RNF10: variants seen among roughly 807,000 people sequenced by gnomAD.
RNF10 encodes E3 ubiquitin-protein ligase RNF10.
A neutral mutation model predicts 91.4 loss-of-function variants in RNF10; 38 were observed. The ratio of observed to expected loss-of-function variants is 0.42; its 90% CI spans 0.32 to 0.54. The LOEUF is 0.54. Ranked by LOEUF, RNF10 falls within the 20% of genes least tolerant of loss-of-function variation. The pLI is 0.16. For synonymous variants in RNF10, 364 were observed against 366.3 expected (o/e 0.99, Z 0.07); for missense variants, 945 against 1,012.0 (o/e 0.93, Z 0.90).
intron 1 of RNF10, among the ~76,000 whole-genome samples, chr12:120,540,030 C>T (rs1387559381): frequency 2.0e-5 from 3 of 150,052 alleles, no homozygotes; most frequent in Admixed American, 1.3e-4. Context: ...AGATGGGTTT[C>T]GCCATGTTGG....
chr12:120,536,743 AT>A (rs1401512329), intron 1 of RNF10, among the ~76,000 whole-genome samples: 5 of 152,214 alleles, frequency 3.3e-5, no homozygotes, highest in African/African-American at 1.2e-4. Context: ...TTTGTACTCT[AT>A]TCCCAGATGT....
Position 120,541,795 on chromosome 12 carries a change from A to G in RNF10, c.158-4610A>G, listed in dbSNP as rs556989616. Among the ~76,000 whole-genome samples the G allele has an allele frequency of 2.0e-5, 3 of 150,958 alleles. No individual in the cohort carries two copies. In the East Asian group the frequency reaches 5.9e-4, roughly 30 times the overall value. On this transcript the variant is annotated intron_variant, in intron 1 of 16. Coordinates refer to ENST00000325954, the MANE Select transcript of RNF10 (RefSeq NM_014868.5). ...TAGGCTGGCATGCAGTGGTGCAAAC[A>G]TAACTGACTGAAACCTTGAACTCCT... is the stretch of plus-strand genomic sequence containing the variant.
At chr12:120,538,338 A>G (rs1203903176) in intron 1 of RNF10, among the ~76,000 whole-genome samples, 1 of 152,050 alleles carries the variant, frequency 6.6e-6, no homozygotes, top group Non-Finnish European at 1.5e-5. Context: ...TAGCTACATG[A>G]TTAATTTCTT....
At chr12:120,563,988 CCTAAT>C (rs902854988) in intron 10 of RNF10, 45 bp downstream of exon 10, 21 of 1,611,098 alleles carry the variant, frequency 1.3e-5, no homozygotes, top group Non-Finnish European at 1.8e-5. Context: ...GCAGTATTAA[CCTAAT>C]CTCTTTGAGG....
chr12:120,560,119 T>G (rs1272378054), intron 6 of RNF10, among the ~76,000 whole-genome samples: 1 of 151,620 alleles, frequency 6.6e-6, no homozygotes, highest in Non-Finnish European at 1.5e-5. Flanking sequence ...TACTGGTTGG[T>G]TTGAGCTTTT....
In RNF10 at chr12:120,552,399, C is replaced by T. The variant is rs191291836; in HGVS notation, c.355-100C>T. The stretch of plus-strand genomic sequence containing the variant: ...TGGATGACAGAGTAAGACTCCGTCT[C>T]AAAAAAAAAAGCTGTGTAAAAGGAG... On this transcript the variant is annotated intron_variant, in intron 2 of 16. Transcript: ENST00000325954. 1.8e-4 allele frequency: 146 copies of T among 828,388 alleles called. 1 individual carries two copies. The Middle Eastern group carries it at 2.4e-3, about 14-fold the overall frequency. 51.3% of individuals were successfully genotyped at this position (828,388 alleles called of 1,614,324 possible). A position where few individuals can be genotyped will look rare whatever the true frequency, so the allele number is the denominator to read the frequency against.
intron 14 of RNF10, among the ~76,000 whole-genome samples, chr12:120,571,717 G>A (rs1593117971): frequency 6.6e-6 from 1 of 152,260 alleles, no homozygotes; most frequent in East Asian, 1.9e-4. Flanking sequence ...TGTAGGGGCT[G>A]GGGATACAGC....
chr12:120,570,243 A>G (rs1555229964), intron 13 of RNF10: 1 of 144,632 alleles, frequency 6.9e-6, no homozygotes, highest in South Asian at 2.2e-4. Context: ...CTGGAGCACA[A>G]TGGCACGATC....
At chr12:120,574,470 A>G (rs1877105531) in intron 14 of RNF10, 2 of 456,076 alleles carry the variant, frequency 4.4e-6, no homozygotes, top group Non-Finnish European at 8.8e-6. Flanking sequence ...CCTTGCAGGA[A>G]TTTTACTGGC....
At chr12:120,551,761 C>G (rs1264225002) in intron 2 of RNF10, among the ~76,000 whole-genome samples, 2 of 152,128 alleles carry the variant, frequency 1.3e-5, no homozygotes, top group Non-Finnish European at 2.9e-5. Context: ...TCCTGAGTGG[C>G]TGAGAGTGCA....
intron 4 of RNF10, 59 bp from the exon 5 acceptor site, chr12:120,557,223 T>G: frequency 6.5e-7 from 1 of 1,548,184 alleles, no homozygotes; most frequent in South Asian, 1.2e-5. Flanking sequence ...GGCCTAAAAC[T>G]TTGACAGTCC....
At chr12:120,567,885 G>GTATA (rs920467744) in intron 13 of RNF10, among the ~76,000 whole-genome samples, 4 of 150,426 alleles carry the variant, frequency 2.7e-5, no homozygotes, top group Non-Finnish European at 4.4e-5. Flanking sequence ...GTGTGTGTAT[G>GTATA]TATATATATA....
intron 1 of RNF10, among the ~76,000 whole-genome samples, chr12:120,538,184 G>GT (rs1344356909): frequency 6.6e-6 from 1 of 152,158 alleles, no homozygotes; most frequent in Non-Finnish European, 1.5e-5. Flanking sequence ...TGAAAAGATA[G>GT]TTTATCTTTT....
At chr12:120,575,457 A>T in intron 14 of RNF10, 174 bp from the exon 15 acceptor site, 1 of 675,954 alleles carries the variant, frequency 1.5e-6, no homozygotes, top group South Asian at 1.9e-5. Flanking sequence ...CATTTCCATT[A>T]GCCAGGATAT....
intron 6 of RNF10, 138 bp from the exon 7 acceptor site, chr12:120,560,588 A>G: frequency 1.3e-6 from 1 of 766,880 alleles, no homozygotes. Context: ...GACCATTGTT[A>G]AATTATTTTC....
chr12:120,568,781 GT>G (rs2137251969), intron 13 of RNF10, among the ~76,000 whole-genome samples: 1 of 151,910 alleles, frequency 6.6e-6, no homozygotes, highest in African/African-American at 2.4e-5. Context: ...CAGCCTGTTT[GT>G]TTTTAAGAGA....
Position 120,543,823 on chromosome 12 carries a change from G to A in RNF10, c.158-2582G>A, listed in dbSNP as rs546407439. Reference sequence around the variant, plus strand: ...CTCAAAATAAATTTAAAAATTAGCTGGGTGTGGTGGTGCACACCTGCAGTC... The same window carrying A: ...CTCAAAATAAATTTAAAAATTAGCTAGGTGTGGTGGTGCACACCTGCAGTC... On this transcript the variant is annotated intron_variant, in intron 1 of 16. Transcript: ENST00000325954. 1.1e-3 allele frequency among the ~76,000 whole-genome samples: 163 copies of A among 151,656 alleles called. 3 individuals carry two copies. Among genetic ancestry groups the A allele is most frequent in the Admixed American group, 3.6e-3 (55 of 15,216 alleles).
chr12:120,553,279 G>A (rs1179101474), intron 3 of RNF10, among the ~76,000 whole-genome samples: 3 of 150,634 alleles, frequency 2.0e-5, no homozygotes, highest in Non-Finnish European at 3.0e-5. Context: ...TGATAGAGAC[G>A]GGGTTTCACC....
chr12:120,545,770 C>G (rs1045370855), intron 1 of RNF10, among the ~76,000 whole-genome samples: 21 of 152,170 alleles, frequency 1.4e-4, no homozygotes, highest in African/African-American at 4.8e-4. Context: ...AACTCCTGAC[C>G]TCAGGTGATC....
Sources: allele counts gnomAD v4.1 joint callset (sites outside exome capture counted in the v4.1 genomes callset), GRCh38; gene constraint gnomAD v4.1.1; transcripts MANE v1.5; gene names NCBI Gene and HGNC (gene_info 2026-07-23, HGNC 2026-07-21).